Variants in FCHSD2 observed in about 807,000 individuals in gnomAD.
The protein encoded by FCHSD2 is F-BAR and double SH3 domains protein 2.
Under a neutral mutation model 108.1 loss-of-function variants are expected in FCHSD2, and 38 were observed. The ratio of observed to expected loss-of-function variants is 0.35; its 90% CI spans 0.27 to 0.46. FCHSD2 has a LOEUF of 0.46. Among genes scored for constraint, FCHSD2 ranks in the 20% least tolerant of loss-of-function variants. The probability of loss-of-function intolerance (pLI) is 1.00; values close to 1 mark genes in which losing one functional copy is unlikely to be tolerated. For missense variants in FCHSD2, 751 were observed against 897.8 expected (o/e 0.84, Z 2.09); for synonymous variants, 279 against 314.7 (o/e 0.89, Z 1.20).
chr11:72,984,010 C>A, intron 8 of FCHSD2, 78 bp downstream of exon 8: 5 of 1,171,290 alleles, frequency 4.3e-6, no homozygotes, highest in Non-Finnish European at 6.2e-6. Flanking sequence ...AGATTCAATC[C>A]CATAAACCCA....
chr11:72,854,107 G>T (rs1591343638), intron 13 of FCHSD2, among the ~76,000 whole-genome samples: 1 of 152,236 alleles, frequency 6.6e-6, no homozygotes, highest in Non-Finnish European at 1.5e-5. Flanking sequence ...GGAAAAATTG[G>T]AACTTTTATA....
chr11:72,841,023 G>T (rs955938817), intron 18 of FCHSD2, 64 bp from the exon 19 acceptor site: 4 of 1,246,164 alleles, frequency 3.2e-6, no homozygotes, highest in Non-Finnish European at 4.7e-6. Context: ...CTGATGCAAG[G>T]CTGGCATGGT....
intron 3 of FCHSD2, among the ~76,000 whole-genome samples, chr11:73,035,268 C>T (rs1333737427): frequency 1.3e-5 from 2 of 152,040 alleles, no homozygotes; most frequent in African/African-American, 4.8e-5. Context: ...TCTTGGCTCA[C>T]TTGCAACCTC....
chr11:72,905,603 G>A (rs182835402), intron 9 of FCHSD2, among the ~76,000 whole-genome samples: 1 of 138,678 alleles, frequency 7.2e-6, no homozygotes, highest in Non-Finnish European at 1.5e-5. Context: ...CCCACCCCCC[G>A]ACAGGTCCCA....
At chr11:73,048,050 A>T (rs910694102) in intron 3 of FCHSD2, among the ~76,000 whole-genome samples, 4 of 151,974 alleles carry the variant, frequency 2.6e-5, no homozygotes, top group African/African-American at 9.7e-5. Context: ...AACATGAGTT[A>T]TTTCTAAAAA....
chr11:72,939,527 T>C (rs916940878), intron 8 of FCHSD2, among the ~76,000 whole-genome samples: 5 of 151,980 alleles, frequency 3.3e-5, no homozygotes, highest in African/African-American at 1.2e-4. Flanking sequence ...TACATTTCAG[T>C]TTCTTGGTTA....
At chr11:73,096,352 C>G (rs1357805420) in intron 2 of FCHSD2, among the ~76,000 whole-genome samples, 4 of 138,480 alleles carry the variant, frequency 2.9e-5, no homozygotes, top group Non-Finnish European at 3.0e-5. Flanking sequence ...ACCAGCCTGG[C>G]CAACATGTTG....
At chr11:73,077,708 A>AC (rs1345581839) in intron 3 of FCHSD2, 1 of 371,038 alleles carries the variant, frequency 2.7e-6, no homozygotes, top group African/African-American at 2.2e-5. Flanking sequence ...ACTGATGCAC[A>AC]CAACAACATA....
chr11:72,951,669 A>T lies in FCHSD2; in HGVS notation c.706-29719T>A, dbSNP rs572153390. 3.3e-5 allele frequency among the ~76,000 whole-genome samples: 5 copies of T among 152,328 alleles called. No homozygotes were observed. The South Asian group carries it at 1.0e-3, about 32-fold the overall frequency. On this transcript the variant is annotated intron_variant, in intron 8 of 19. Coordinates refer to ENST00000409418, the MANE Select transcript of FCHSD2 (RefSeq NM_014824.3). The stretch of plus-strand genomic sequence containing the variant: ...TTTTTCTCTATTACATTTATCTTTA[A>T]CAAACCTATAACTTACTTTGGCCTG...
At chr11:72,841,431 C>G in intron 18 of FCHSD2, 23 bp downstream of exon 18, 1 of 1,605,738 alleles carries the variant, frequency 6.2e-7, no homozygotes, top group Middle Eastern at 1.7e-4. Context: ...TGCATTTAGA[C>G]CCATGCCCAG....
At chr11:72,925,251 A>C (rs759983979) in intron 8 of FCHSD2, among the ~76,000 whole-genome samples, 2 of 152,188 alleles carry the variant, frequency 1.3e-5, no homozygotes, top group Non-Finnish European at 2.9e-5. Context: ...ACCTTACCAT[A>C]ATCAGGATCA....
intron 3 of FCHSD2, among the ~76,000 whole-genome samples, chr11:73,073,687 T>A (rs1859483838): frequency 6.6e-6 from 1 of 152,230 alleles, no homozygotes; most frequent in African/African-American, 2.4e-5. Context: ...CTCGTAATAA[T>A]TCTATAAAAT....
intron 8 of FCHSD2, among the ~76,000 whole-genome samples, chr11:72,924,581 C>A (rs1044116237): frequency 6.6e-6 from 1 of 151,966 alleles, no homozygotes; most frequent in African/African-American, 2.4e-5. Flanking sequence ...CACGCCCCAC[C>A]CAGCTATTTT....
chr11:72,871,164 T>C (rs570990869), intron 12 of FCHSD2, among the ~76,000 whole-genome samples: 14 of 152,306 alleles, frequency 9.2e-5, no homozygotes, highest in Admixed American at 5.2e-4. Flanking sequence ...AGAAAGTAAC[T>C]GCTGCTTTGC....
At chr11:72,980,706 A>G (rs536975494) in intron 8 of FCHSD2, among the ~76,000 whole-genome samples, 2 of 148,756 alleles carry the variant, frequency 1.3e-5, no homozygotes, top group East Asian at 2.0e-4. Context: ...TAATGTATGT[A>G]TGTATATATA....
At chr11:72,872,119 G>T (rs959381398) in intron 12 of FCHSD2, among the ~76,000 whole-genome samples, 1 of 151,772 alleles carries the variant, frequency 6.6e-6, no homozygotes, top group Non-Finnish European at 1.5e-5. Flanking sequence ...TATCATATAC[G>T]TCTTTATATA....
intron 13 of FCHSD2, among the ~76,000 whole-genome samples, chr11:72,858,210 G>A (rs746258410): frequency 6.6e-6 from 1 of 152,176 alleles, no homozygotes; most frequent in Non-Finnish European, 1.5e-5. Context: ...CCACTGGACA[G>A]AGAAGTAATC....
intron 8 of FCHSD2, among the ~76,000 whole-genome samples, chr11:72,937,221 G>T (rs1408456061): frequency 1.3e-5 from 2 of 152,110 alleles, no homozygotes; most frequent in Non-Finnish European, 2.9e-5. Context: ...TAGATATTTA[G>T]GTATCTAAAT....
intron 8 of FCHSD2, among the ~76,000 whole-genome samples, chr11:72,961,573 C>T (rs752370937): frequency 2.6e-5 from 4 of 152,010 alleles, no homozygotes; most frequent in East Asian, 1.9e-4. Context: ...GTTTTAAATG[C>T]GGATGTGTAG....
Sources: allele counts gnomAD v4.1 joint callset (sites outside exome capture counted in the v4.1 genomes callset), GRCh38; gene constraint gnomAD v4.1.1; transcripts MANE v1.5; gene names NCBI Gene and HGNC (gene_info 2026-07-23, HGNC 2026-07-21).